OPHN1: variants seen among roughly 807,000 people sequenced by gnomAD.
The protein encoded by OPHN1 is oligophrenin-1.
In OPHN1, 11 loss-of-function variants were observed where a neutral mutation model predicts 60.7. That is an observed-to-expected ratio of 0.18 (90% CI 0.11 to 0.30). The LOEUF is 0.30. OPHN1 is among the 10% of genes least tolerant of loss of function. The pLI, the probability that OPHN1 is intolerant of heterozygous loss-of-function variation, is 1.00. For missense variants in OPHN1, 449 were observed against 611.0 expected, an observed-to-expected ratio of 0.73 and a Z score of 2.80; for synonymous variants, 226 against 222.6, an observed-to-expected ratio of 1.02 and a Z score of -0.14.
intron 2 of OPHN1, among the ~76,000 whole-genome samples, chrX:68,315,307 C>CAG (rs1181033823): frequency 1.2e-3 from 136 of 109,463 alleles, no homozygotes; most frequent in African/African-American, 4.4e-3. Flanking sequence ...GAGGAAGGGA[C>CAG]AGAGAGAGAG....
chrX:68,112,333 T>G, intron 17 of OPHN1: 1 of 140,165 alleles, frequency 7.1e-6, no homozygotes, highest in Non-Finnish European at 1.4e-5. Context: ...AAGAGAAGAC[T>G]GTCTCAGAGG....
Position 68,095,197 on chromosome X carries a change from G to C in OPHN1, c.1686+1673C>G, listed in dbSNP as rs138200869. On this transcript the variant is annotated intron_variant, in intron 19 of 24. Coordinates refer to ENST00000355520, the MANE Select transcript of OPHN1 (RefSeq NM_002547.3). ...TTCCTGAAACAGTACCTGGCATAAA[G>C]TGGGTACTCGACACATATTTGTTGG... is the stretch of plus-strand genomic sequence containing the variant. 6.8e-4 allele frequency among the ~76,000 whole-genome samples: 76 copies of C among 111,842 alleles called. 3 individuals are homozygous for C. In the East Asian group the frequency reaches 0.018, roughly 26 times the overall value.
At chrX:68,425,674 TA>T (rs2078850449) in intron 2 of OPHN1, among the ~76,000 whole-genome samples, 1 of 93,588 alleles carries the variant, frequency 1.1e-5, no homozygotes, top group East Asian at 3.5e-4. Context: ...GACCTTTTTT[TA>T]AAAAATTAAG....
At chrX:68,193,840 A>C in intron 14 of OPHN1, 50 bp downstream of exon 14, 1 of 1,049,535 alleles carries the variant, frequency 9.5e-7, no homozygotes, top group Non-Finnish European at 1.3e-6. Flanking sequence ...CCAGGATAAA[A>C]TCAGAGTGAC....
intron 3 of OPHN1, among the ~76,000 whole-genome samples, chrX:68,292,189 C>T (rs1040542159): frequency 9.0e-5 from 10 of 111,428 alleles, no homozygotes; most frequent in African/African-American, 2.9e-4. Flanking sequence ...AGGTATGCAT[C>T]GCTGAGCCCA....
intron 5 of OPHN1, among the ~76,000 whole-genome samples, chrX:68,247,655 A>T (rs2147542622): frequency 9.1e-6 from 1 of 109,783 alleles, no homozygotes; most frequent in Non-Finnish European, 1.9e-5. Context: ...GCAGTGGCTC[A>T]TGCCTGTAAT....
intron 9 of OPHN1, among the ~76,000 whole-genome samples, chrX:68,208,803 C>T (rs2077571601): frequency 8.9e-6 from 1 of 111,749 alleles, no homozygotes; most frequent in Non-Finnish European, 1.9e-5. Flanking sequence ...GTTGTCACAC[C>T]TGGAGATTAC....
intron 5 of OPHN1, among the ~76,000 whole-genome samples, chrX:68,261,761 C>A (rs1001293234): frequency 9.0e-6 from 1 of 111,671 alleles, no homozygotes; most frequent in Non-Finnish European, 1.9e-5. Context: ...CTTACATTAA[C>A]CCAATATAAG....
At chrX:68,303,819 C>T (rs1318123951) in intron 2 of OPHN1, among the ~76,000 whole-genome samples, 5 of 110,537 alleles carry the variant, frequency 4.5e-5, no homozygotes, top group Non-Finnish European at 9.4e-5. Flanking sequence ...TGCTCTTACT[C>T]GTATGTGAGA....
intron 2 of OPHN1, among the ~76,000 whole-genome samples, chrX:68,358,194 A>G (rs1327801031): frequency 1.8e-5 from 2 of 109,936 alleles, no homozygotes; most frequent in Non-Finnish European, 3.8e-5. Flanking sequence ...GGTGCTGCAC[A>G]CCTGTAGTCA....
chrX:68,309,700 G>A (rs1213890517), intron 2 of OPHN1, among the ~76,000 whole-genome samples: 1 of 112,062 alleles, frequency 8.9e-6, no homozygotes, highest in Non-Finnish European at 1.9e-5. Flanking sequence ...GCTTGAAAAG[G>A]GGGATACTGC....
chrX:68,245,227 A>G (rs1420743736), intron 5 of OPHN1, among the ~76,000 whole-genome samples: 2 of 111,296 alleles, frequency 1.8e-5, no homozygotes, highest in South Asian at 7.6e-4. Flanking sequence ...ACTCAGTACC[A>G]AGTATAAACT....
intron 2 of OPHN1, among the ~76,000 whole-genome samples, chrX:68,342,262 C>G (rs149179913): frequency 7.2e-5 from 8 of 111,402 alleles, no homozygotes; most frequent in African/African-American, 2.3e-4. Context: ...TGTGCTACCA[C>G]GCCCAGCCAA....
chrX:68,408,234 A>G (rs1177760046), intron 2 of OPHN1, among the ~76,000 whole-genome samples: 1 of 112,585 alleles, frequency 8.9e-6, no homozygotes, highest in African/African-American at 3.2e-5. Context: ...TAAAATAGAC[A>G]CAAAGCACAA....
At chrX:68,225,328 C>T (rs1185913035) in intron 6 of OPHN1, among the ~76,000 whole-genome samples, 2 of 112,066 alleles carry the variant, frequency 1.8e-5, no homozygotes, top group Non-Finnish European at 3.8e-5. Flanking sequence ...CAGCAGAAAC[C>T]TCTGCAGACT....
At chrX:68,187,952 A>C (rs1478997832) in intron 15 of OPHN1, among the ~76,000 whole-genome samples, 1 of 111,673 alleles carries the variant, frequency 9.0e-6, no homozygotes. Context: ...TAAGCCATTA[A>C]ATTTGTGATA....
intron 15 of OPHN1, among the ~76,000 whole-genome samples, chrX:68,175,485 C>A (rs1016959968): frequency 4.5e-5 from 5 of 111,141 alleles, no homozygotes; most frequent in African/African-American, 1.6e-4. Context: ...TATTCAAAGT[C>A]CAGACAAAAA....
At chrX:68,250,318 G>T (rs1430612792) in intron 5 of OPHN1, among the ~76,000 whole-genome samples, 2 of 112,437 alleles carry the variant, frequency 1.8e-5, no homozygotes, top group African/African-American at 3.2e-5. Context: ...TAGAACTAAT[G>T]TTTCAATGCC....
At chrX:68,239,477 A>ACAGGCC (rs762875480) in intron 5 of OPHN1, among the ~76,000 whole-genome samples, 3 of 111,722 alleles carry the variant, frequency 2.7e-5, no homozygotes, top group African/African-American at 9.8e-5. Context: ...GTCCGTGGGC[A>ACAGGCC]CAGGCCCAGG....
Sources: allele counts gnomAD v4.1 joint callset (sites outside exome capture counted in the v4.1 genomes callset), GRCh38; gene constraint gnomAD v4.1.1; transcripts MANE v1.5; gene names NCBI Gene and HGNC (gene_info 2026-07-23, HGNC 2026-07-21).